LRCH1: variants seen among roughly 807,000 people sequenced by gnomAD.
LRCH1 encodes leucine-rich repeat and calponin homology domain-containing protein 1.
In LRCH1, 23 loss-of-function variants were observed where a neutral mutation model predicts 94.9. The observed-to-expected ratio is 0.24, with a 90% CI of 0.17 to 0.34. The LOEUF (loss-of-function observed/expected upper bound fraction) is 0.34. Among genes scored for constraint, LRCH1 ranks in the 10% least tolerant of loss-of-function variants. The probability of loss-of-function intolerance (pLI) is 1.00; values close to 1 mark genes in which losing one functional copy is unlikely to be tolerated. For synonymous variants in LRCH1, 364 were observed against 354.9 expected, an observed-to-expected ratio of 1.03 and a Z score of -0.29; for missense variants, 790 against 945.9, an observed-to-expected ratio of 0.84 and a Z score of 2.16.
At chr13:46,638,886 A>C (rs1279639759) in intron 1 of LRCH1, among the ~76,000 whole-genome samples, 1 of 152,202 alleles carries the variant, frequency 6.6e-6, no homozygotes, top group Non-Finnish European at 1.5e-5. Flanking sequence ...GGGGGTGGGT[A>C]GTTTTGGCTT....
intron 1 of LRCH1, among the ~76,000 whole-genome samples, chr13:46,625,651 T>A (rs1469578515): frequency 1.3e-4 from 19 of 150,614 alleles, no homozygotes; most frequent in Admixed American, 1.3e-3. Context: ...TTTTTTTTTT[T>A]TTGGTCTTGT....
chr13:46,586,166 G>C (rs1392214684), intron 1 of LRCH1, among the ~76,000 whole-genome samples: 1 of 152,164 alleles, frequency 6.6e-6, no homozygotes, highest in Non-Finnish European at 1.5e-5. Context: ...CTAACTCCTG[G>C]ATGACACAAA....
intron 1 of LRCH1, among the ~76,000 whole-genome samples, chr13:46,556,585 C>T (rs557606592): frequency 7.2e-5 from 11 of 152,308 alleles, no homozygotes; most frequent in South Asian, 2.1e-4. Context: ...TATGCGTTAT[C>T]TGCATGATCT....
At chr13:46,619,837 G>A (rs370472535) in intron 1 of LRCH1, among the ~76,000 whole-genome samples, 36 of 152,214 alleles carry the variant, frequency 2.4e-4, no homozygotes, top group Non-Finnish European at 3.4e-4. Flanking sequence ...AGCTCCTTAC[G>A]TTGAAGCATT....
At chr13:46,647,773 A>G (rs926797817) in intron 1 of LRCH1, among the ~76,000 whole-genome samples, 2 of 150,814 alleles carry the variant, frequency 1.3e-5, no homozygotes, top group African/African-American at 4.9e-5. Context: ...TTGAGATAAA[A>G]GGTGCGAGAT....
intron 2 of LRCH1, among the ~76,000 whole-genome samples, chr13:46,657,550 G>A (rs2051390811): frequency 1.9e-5 from 1 of 52,554 alleles, no homozygotes. Flanking sequence ...TTTGAGGCAG[G>A]GTCTTGCTCT....
rs79271944 is a variant in LRCH1 at position 46,602,176 on chromosome 13, C to G, written c.308-48025C>G. 2.0e-3 allele frequency among the ~76,000 whole-genome samples: 310 copies of G among 152,296 alleles called. 1 individual carries two copies. The highest frequency in any genetic ancestry group is 7.3e-3 in the African/African-American group (303 of 41,554). On this transcript the variant is annotated intron_variant, in intron 1 of 19. Coordinates refer to ENST00000389797, the MANE Select transcript of LRCH1 (RefSeq NM_001164211.2). ...CTCAAAGGTGTCAAGTAGATTAATG[C>G]AACTATGTATAGCTGACCCTGAGGA...
intron 1 of LRCH1, among the ~76,000 whole-genome samples, chr13:46,588,631 C>G (rs1217709657): frequency 7.6e-6 from 1 of 131,176 alleles, no homozygotes. Context: ...ACAGTCATCT[C>G]GCTCTGTCAC....
At chr13:46,672,665 C>T (rs1217466930) in intron 3 of LRCH1, among the ~76,000 whole-genome samples, 1 of 152,220 alleles carries the variant, frequency 6.6e-6, no homozygotes, top group Non-Finnish European at 1.5e-5. Flanking sequence ...AGGGACACCC[C>T]ATGCTTTTCT....
chr13:46,567,457 A>C (rs1164288914), intron 1 of LRCH1, among the ~76,000 whole-genome samples: 1 of 149,892 alleles, frequency 6.7e-6, no homozygotes. Flanking sequence ...CTTGGAGGTG[A>C]AAATGATAAT....
intron 1 of LRCH1, among the ~76,000 whole-genome samples, chr13:46,606,198 C>T (rs549113085): frequency 6.6e-6 from 1 of 151,172 alleles, no homozygotes; most frequent in East Asian, 1.9e-4. Context: ...TTCTAAAGTA[C>T]TTAACCTTCT....
At chr13:46,584,940 G>A (rs1336458727) in intron 1 of LRCH1, among the ~76,000 whole-genome samples, 1 of 145,466 alleles carries the variant, frequency 6.9e-6, no homozygotes, top group African/African-American at 2.6e-5. Context: ...ATTTTGGTCT[G>A]ACATAAAAGT....
exon 19 of LRCH1, chr13:46,750,868 G>C (rs1874100093): frequency 5.0e-6 from 2 of 397,266 alleles, no homozygotes; most frequent in African/African-American, 4.1e-5. Flanking sequence ...AAACCAGAGA[G>C]GGAGCTGGAG....
chr13:46,632,292 A>T (rs2051027954), intron 1 of LRCH1, among the ~76,000 whole-genome samples: 1 of 152,052 alleles, frequency 6.6e-6, no homozygotes, highest in African/African-American at 2.4e-5. Flanking sequence ...GTTGATGGCC[A>T]TGAGGATTTG....
chr13:46,602,704 A>G (rs1321929944), intron 1 of LRCH1, among the ~76,000 whole-genome samples: 4 of 152,150 alleles, frequency 2.6e-5, no homozygotes, highest in African/African-American at 9.7e-5. Context: ...TGTAATCCCT[A>G]CACTTTGGGA....
intron 11 of LRCH1, among the ~76,000 whole-genome samples, chr13:46,702,336 TA>T (rs1385716585): frequency 7.2e-5 from 11 of 152,022 alleles, no homozygotes; most frequent in Non-Finnish European, 1.6e-4. Context: ...ACCCTGTCTG[TA>T]CTAATAATAC....
At chr13:46,619,059 TCTTTTTTCC>T (rs776908719) in intron 1 of LRCH1, among the ~76,000 whole-genome samples, 3 of 124,630 alleles carry the variant, frequency 2.4e-5, no homozygotes, top group Admixed American at 7.9e-5. Flanking sequence ...TCTTTTCTTT[TCTTTTTTCC>T]TTCCTTCCTT....
intron 19 of LRCH1, among the ~76,000 whole-genome samples, chr13:46,735,408 A>G (rs572891967): frequency 1.3e-5 from 2 of 152,338 alleles, no homozygotes; most frequent in Non-Finnish European, 2.9e-5. Context: ...AAAGCACTTC[A>G]TCAGTGCTTT....
intron 2 of LRCH1, among the ~76,000 whole-genome samples, chr13:46,660,987 AC>A (rs1566207213): frequency 6.6e-6 from 1 of 151,956 alleles, no homozygotes; most frequent in African/African-American, 2.4e-5. Context: ...TTTCTCCAGC[AC>A]CCCAGGTCAG....
Sources: gnomAD v4.1 joint callset for allele counts (sites outside exome capture counted in the v4.1 genomes callset) on GRCh38, gnomAD v4.1.1 for gene constraint, MANE v1.5 for transcripts, NCBI Gene and HGNC (gene_info 2026-07-23, HGNC 2026-07-21) for gene names.